Variants in ADAMTS5 observed in about 807,000 individuals in gnomAD.
The protein encoded by ADAMTS5 is A disintegrin and metalloproteinase with thrombospondin motifs 5.
In ADAMTS5, 54 loss-of-function variants were observed where a neutral mutation model predicts 81.4. That is an observed-to-expected ratio of 0.66 (90% confidence interval 0.53 to 0.83). The LOEUF (loss-of-function observed/expected upper bound fraction) is 0.83, where lower values mean the gene tolerates loss of function less well. Among genes scored for constraint, ADAMTS5 ranks in the 40% least tolerant of loss-of-function variants. The probability of loss-of-function intolerance (pLI) is 0.00; values close to 1 mark genes in which losing one functional copy is unlikely to be tolerated. For missense variants in ADAMTS5, 1,194 were observed against 1,229.9 expected, an observed-to-expected ratio of 0.97 and a Z score of 0.44; for synonymous variants, 532 against 508.8, an observed-to-expected ratio of 1.05 and a Z score of -0.61.
rs760878850 is a variant in ADAMTS5, at chr21:26,965,884, G to A, written c.508C>T (p.Arg170Cys). 6.2e-7 allele frequency: 1 copy of A among 1,613,870 alleles called. No homozygotes were observed. The highest frequency in any genetic ancestry group is 1.7e-5 in the Admixed American group (1 of 60,018). Reference protein sequence around the residue: ...HARYTLKPLLRGPWAEEEKGR... With the variant: ...HARYTLKPLLCGPWAEEEKGR... ...TTTTCTTCCTCCGCCCAGGGTCCGC[G>A]CAGCAGTGGCTTTAGGGTGTAGCGC... The change falls in exon 1 of 8, where the codon CGC becomes TGC. Residue 170 changes from arginine (R) to cysteine (C), a missense_variant. Around this residue, in one of 2 missense-constraint regions of ADAMTS5, gnomAD observed 498 missense variants for 412.3 expected, o/e 1.21. Coordinates refer to ENST00000284987, the MANE Select transcript of ADAMTS5 (RefSeq NM_007038.5).
rs1987655034 is a variant in ADAMTS5 at position 26,966,062 on chromosome 21, A to C, written c.330T>G (p.Ile110Met). The change falls in exon 1 of 8, where the codon ATT (isoleucine) becomes ATG (methionine). Residue 110 changes from isoleucine (I) to methionine (M), a missense_variant. Transcript: ENST00000284987. Reference sequence around the variant, plus strand: ...CGCCTCCTGCGGGCACGAAGCCAGCAATGCCCACCGAACCATCTCGCTCCA... The same window carrying C: ...CGCCTCCTGCGGGCACGAAGCCAGCCATGCCCACCGAACCATCTCGCTCCA... ...LDLERDGSVGIAGFVPAGGGT... is the reference protein window; with the variant it reads ...LDLERDGSVGMAGFVPAGGGT... 2 of 1,613,104 alleles carry C rather than the reference A, an allele frequency of 1.2e-6. No individual in the cohort carries two copies. The highest frequency in any genetic ancestry group is 1.6e-4 in the Middle Eastern group (1 of 6,084).
intron 1 of ADAMTS5, among the ~76,000 whole-genome samples, chr21:26,962,953 AT>A (rs1159542746): frequency 2.0e-5 from 3 of 151,888 alleles, no homozygotes; most frequent in African/African-American, 7.3e-5. Context: ...ATGCCTTGAA[AT>A]TTTTTTCAAC....
rs370803856 is a variant in ADAMTS5, at chr21:26,930,462, T to C, written c.2050-401A>G. On this transcript the variant is annotated intron_variant, in intron 6 of 7. Coordinates refer to ENST00000284987, the MANE Select transcript of ADAMTS5 (RefSeq NM_007038.5). The stretch of plus-strand genomic sequence containing the variant: ...AATGCAAAGATCCTTCTTTGTTGCA[T>C]AGTTGTTATTATAATGACAAATTTG... 7.4e-4 allele frequency among the ~76,000 whole-genome samples: 113 copies of C among 152,312 alleles called. 1 individual carries two copies. The highest frequency in any genetic ancestry group is 5.6e-3 in the South Asian group (27 of 4,824).
chr21:26,924,327 G>A lies in ADAMTS5; in HGVS notation c.2519C>T (p.Thr840Ile). 1 of 1,614,222 alleles carries A rather than the reference G, an allele frequency of 6.2e-7. No individual in the cohort carries two copies. Among genetic ancestry groups the A allele is most frequent in the Non-Finnish European group, 8.5e-7 (1 of 1,180,036 alleles). ...LIVQILATDP[T>I]KPLDVRYSFF... is the part of the protein sequence containing the mutation. ...GCTATAACGGACATCTAATGGTTTA[G>A]TGGGGTCTGTTGCAAGAATCTGCAC... Residue 840 changes from threonine (T) to isoleucine (I), a missense_variant, in exon 8 of 8, where the codon ACT (threonine) becomes ATT (isoleucine). Thr to Ile is a moderately conservative substitution (Grantham distance 89, BLOSUM62 -1). Coordinates refer to ENST00000284987, the MANE Select transcript of ADAMTS5 (RefSeq NM_007038.5).
chr21:26,956,807 C>T lies in ADAMTS5; in HGVS notation c.1105-1936G>A, dbSNP rs568666927. Reference sequence around the variant, plus strand: ...CAAAGGGAAATGACCCTCCTCTTCTCGATAGAGATTAAACTAGATTCTTAA... The same window carrying T: ...CAAAGGGAAATGACCCTCCTCTTCTTGATAGAGATTAAACTAGATTCTTAA... On this transcript the variant is annotated intron_variant, in intron 1 of 7. Coordinates refer to ENST00000284987, the MANE Select transcript of ADAMTS5 (RefSeq NM_007038.5). Among the ~76,000 whole-genome samples, 172 of 152,298 alleles carry T rather than the reference C, an allele frequency of 1.1e-3. 2 individuals are homozygous for T. Among genetic ancestry groups the T allele is most frequent in the South Asian group, 1.5e-3 (7 of 4,822 alleles).
rs1251563929 is a variant in ADAMTS5, at chr21:26,952,355, CAT to C, written c.1237+2382_1237+2383del. The stretch of plus-strand genomic sequence containing the variant: ...AGTTCTTACTGTGTGTGTACACACA[CAT>C]GTATATATTTAGTTTTAATATAACG... On this transcript the variant is annotated intron_variant, in intron 2 of 7. Transcript: ENST00000284987. Among the ~76,000 whole-genome samples the C allele has an allele frequency of 1.8e-4, 27 of 152,348 alleles. No homozygotes were observed. In the East Asian group the frequency reaches 3.5e-3, roughly 20 times the overall value.
chr21:26,930,041 ACATTCAG>A lies in ADAMTS5; in HGVS notation c.2063_2069del (p.Thr688IlefsTer15). 6.2e-7 allele frequency: 1 copy of A among 1,613,948 alleles called. No homozygotes were observed. Among genetic ancestry groups the A allele is most frequent in the Non-Finnish European group, 8.5e-7 (1 of 1,179,864 alleles). On this transcript the variant is annotated frameshift_variant, in exon 7 of 8. Coordinates refer to ENST00000284987, the MANE Select transcript of ADAMTS5 (RefSeq NM_007038.5). LOFTEE classifies it high-confidence loss of function. ...CGCAGACGGAATTACTGTACAGCCT[ACATTCAG>A]TGCCATCGGTCACCTGAATCATGGC...
At chr21:26,931,706 G>C (rs1352402779) in intron 6 of ADAMTS5, among the ~76,000 whole-genome samples, 1 of 152,152 alleles carries the variant, frequency 6.6e-6, no homozygotes, top group Non-Finnish European at 1.5e-5. Flanking sequence ...TGTTTTCATG[G>C]TTACTTTAAA....
intron 1 of ADAMTS5, among the ~76,000 whole-genome samples, chr21:26,961,168 G>T (rs1182412070): frequency 6.6e-6 from 1 of 152,228 alleles, no homozygotes; most frequent in African/African-American, 2.4e-5. Context: ...CCATTTGTTA[G>T]CTGTTAGTCT....
In ADAMTS5 at chr21:26,959,844, T is replaced by G. The variant is rs529869848; in HGVS notation, c.1105-4973A>C. On this transcript the variant is annotated intron_variant, in intron 1 of 7. Transcript: ENST00000284987. ...CTACTATTATTTCCTGCCTGAATTA[T>G]AACCCGAGACTTCTAACTGGTCCCT... Among the ~76,000 whole-genome samples the G allele has an allele frequency of 9.8e-5, 15 of 152,294 alleles. No homozygotes were observed. In the South Asian group the frequency reaches 3.1e-3, roughly 32 times the overall value.
Position 26,917,958 on chromosome 21 carries a change from C to T in ADAMTS5, c.*6095G>A, listed in dbSNP as rs1986613323. The T allele has an allele frequency of 6.6e-6, 1 of 151,914 alleles. No homozygotes were observed. Among genetic ancestry groups the T allele is most frequent in the Admixed American group, 6.6e-5 (1 of 15,214 alleles). The allele number at this position is 151,914 out of a possible 1,614,324, so 9.4% of individuals were successfully genotyped here. ...TTATATTTATTATGCCCACTGAACCCACAAAAGCAGTGTTTAATTTTACAG... is the reference window on the plus strand; with the variant it reads ...TTATATTTATTATGCCCACTGAACCTACAAAAGCAGTGTTTAATTTTACAG... On this transcript the variant is annotated 3_prime_UTR_variant, in exon 8 of 8. Transcript: ENST00000284987.
intron 1 of ADAMTS5, among the ~76,000 whole-genome samples, chr21:26,958,090 C>G (rs1253631455): frequency 6.6e-6 from 1 of 152,116 alleles, no homozygotes; most frequent in Admixed American, 6.5e-5. Context: ...ATGAACCAGT[C>G]AGACCCAAAT....
intron 2 of ADAMTS5, among the ~76,000 whole-genome samples, chr21:26,952,055 T>G (rs1364723603): frequency 6.6e-6 from 1 of 152,224 alleles, no homozygotes; most frequent in African/African-American, 2.4e-5. Context: ...GAAAGCAGAA[T>G]TGAATCCATA....
chr21:26,920,988 A>C lies in ADAMTS5; in HGVS notation c.*3065T>G, dbSNP rs1017147782. 1.3e-5 allele frequency: 2 copies of C among 152,582 alleles called. No individual in the cohort carries two copies. Among genetic ancestry groups the C allele is most frequent in the Non-Finnish European group, 2.9e-5 (2 of 67,996 alleles). 9.5% of individuals were successfully genotyped at this position (152,582 alleles called of 1,614,324 possible). ...TGCTGTATATTATGTAAACTCACAA[A>C]GTGTAAAAGTGTACTTTATACACAA... On this transcript the variant is annotated 3_prime_UTR_variant, in exon 8 of 8. Transcript: ENST00000284987.
At position 26,965,726 on chromosome 21, in the gene ADAMTS5, A is replaced by T. The variant is rs369445782; in HGVS notation, c.666T>A (p.Ala222=). The T allele has an allele frequency of 3.7e-4, 592 of 1,590,782 alleles. 3 individuals carry two copies. In the African/African-American group the frequency reaches 5.3e-3, roughly 14 times the overall value. The change falls in exon 1 of 8, where the codon GCT becomes GCA. Residue 222 remains alanine (A), a synonymous_variant. Coordinates refer to ENST00000284987, the MANE Select transcript of ADAMTS5 (RefSeq NM_007038.5). ...PASTPEAHEH[A]PAHSNPSGRA... ...GTCCGCTCGGGTTGCTGTGCGCCGG[A>T]GCATGCTCGTGGGCCTCCGGTGTGG...
At chr21:26,949,156 A>ATAT (rs1568848231) in intron 2 of ADAMTS5, among the ~76,000 whole-genome samples, 2 of 140,412 alleles carry the variant, frequency 1.4e-5, no homozygotes, top group Non-Finnish European at 3.1e-5. Context: ...TATATATATC[A>ATAT]CACATATATC....
intron 7 of ADAMTS5, among the ~76,000 whole-genome samples, chr21:26,927,939 T>C (rs1415080179): frequency 6.6e-6 from 1 of 151,952 alleles, no homozygotes; most frequent in African/African-American, 2.4e-5. Context: ...AAATGAGACG[T>C]GAACCATGCC....
intron 2 of ADAMTS5, among the ~76,000 whole-genome samples, chr21:26,948,461 T>C (rs562730006): frequency 6.6e-6 from 1 of 152,354 alleles, no homozygotes; most frequent in South Asian, 2.1e-4. Flanking sequence ...GTCATGTTTT[T>C]ATTTTACCTA....
chr21:26,934,594 C>T lies in ADAMTS5; in HGVS notation c.1561G>A (p.Val521Met). The T allele has an allele frequency of 1.2e-6, 2 of 1,614,196 alleles. No homozygotes were observed. Among genetic ancestry groups the T allele is most frequent in the Non-Finnish European group, 1.7e-6 (2 of 1,180,050 alleles). The change falls in exon 4 of 8, where the codon GTG becomes ATG. Residue 521 changes from valine (V) to methionine (M), a missense_variant. Transcript: ENST00000284987. ...CAGACCATCTGGCCCTGGCGTACCA[C>T]AGCACACCACAGGCGAGCACAGACA... Reference protein sequence around the residue: ...MDVCARLWCAVVRQGQMVCLT... With the variant: ...MDVCARLWCAMVRQGQMVCLT...
Sources: allele counts gnomAD v4.1 joint callset (sites outside exome capture counted in the v4.1 genomes callset), GRCh38; gene constraint gnomAD v4.1.1; regional missense constraint gnomAD v4.1.1; transcripts MANE v1.5; gene names NCBI Gene and HGNC (gene_info 2026-07-23, HGNC 2026-07-21).